The following EIF2S3B variants were observed in gnomAD, a reference collection of about 807,000 sequenced individuals.
The protein encoded by EIF2S3B is eukaryotic translation initiation factor 2 subunit 3B.
Under a neutral mutation model 26.4 loss-of-function variants are expected in EIF2S3B, and 16 were observed. The observed-to-expected ratio is 0.61, with a 90% CI of 0.41 to 0.92. The LOEUF is 0.92. Among genes scored for constraint, EIF2S3B ranks in the 40% least tolerant of loss-of-function variants. EIF2S3B has a pLI of 0.00. For missense variants in EIF2S3B, 510 were observed against 575.5 expected (o/e 0.89, Z 1.16); for synonymous variants, 183 against 204.4 (o/e 0.90, Z 0.89).
chr12:10,516,224 A>G (rs1260454707), intron 1 of EIF2S3B, among the ~76,000 whole-genome samples: 1 of 152,032 alleles, frequency 6.6e-6, no homozygotes, highest in Non-Finnish European at 1.5e-5. Context: ...TATAGTTTAC[A>G]AAGTTTCGTA....
chr12:10,521,020 T>C (rs1864826000), intron 1 of EIF2S3B, among the ~76,000 whole-genome samples: 1 of 152,216 alleles, frequency 6.6e-6, no homozygotes, highest in Non-Finnish European at 1.5e-5. Context: ...TTTTAGGTAA[T>C]TTAATTGCTT....
At position 10,506,986 on chromosome 12, in the gene EIF2S3B, G is replaced by A. The variant is rs774418997; in HGVS notation, c.1084G>A (p.Gly362Arg). The A allele has an allele frequency of 3.7e-6, 6 of 1,613,632 alleles. No homozygotes were observed. The highest frequency in any genetic ancestry group is 1.3e-5 in the African/African-American group (1 of 74,884). ...GGTGGGGCAAATACTTGGTGCAGTC[G>A]GAGCTTTACCTGAGATATTCACAGA... ...RMVGQILGAV[G>R]ALPEIFTELE... Residue 362 changes from glycine (G) to arginine (R), a missense_variant, in exon 1 of 1, where the codon GGA becomes AGA. Coordinates refer to ENST00000538173, the MANE Select transcript of EIF2S3B (RefSeq NM_001357734.3).
At chr12:10,520,279 A>G (rs1429974259) in intron 1 of EIF2S3B, among the ~76,000 whole-genome samples, 2 of 149,866 alleles carry the variant, frequency 1.3e-5, no homozygotes, top group Non-Finnish European at 3.0e-5. Context: ...CAAACACCGC[A>G]TGTTCTCACT....
At chr12:10,510,243 G>T (rs1395528590), downstream of EIF2S3B, among the ~76,000 whole-genome samples, 3 of 152,082 alleles carry the variant, frequency 2.0e-5, no homozygotes, top group African/African-American at 7.2e-5. Context: ...CCCTTCCTCT[G>T]CAGGTAAAAG....
At position 10,507,000 on chromosome 12, in the gene EIF2S3B, G is replaced by T. The variant is rs1290772526; in HGVS notation, c.1098G>T (p.Glu366Asp). 6.2e-7 allele frequency: 1 copy of T among 1,613,786 alleles called. No individual in the cohort carries two copies. The highest frequency in any genetic ancestry group is 1.3e-5 in the African/African-American group (1 of 75,032). ...QILGAVGALP[E>D]IFTELEISYF... ...TTGGTGCAGTCGGAGCTTTACCTGA[G>T]ATATTCACAGAATTGGAAATTTCCT... The change falls in exon 1 of 1, where the codon GAG becomes GAT. Residue 366 changes from glutamate (E) to aspartate (D), a missense_variant. By Grantham distance (45) the Glu-to-Asp change is conservative. Transcript: ENST00000538173.
intron 1 of EIF2S3B, among the ~76,000 whole-genome samples, chr12:10,516,446 A>T (rs947891630): frequency 3.3e-5 from 5 of 151,910 alleles, no homozygotes; most frequent in African/African-American, 1.2e-4. Flanking sequence ...ATTAGAGCAA[A>T]ATGAATATTT....
At chr12:10,515,182 C>G (rs572350830) in intron 1 of EIF2S3B, among the ~76,000 whole-genome samples, 18 of 151,944 alleles carry the variant, frequency 1.2e-4, no homozygotes, top group Non-Finnish European at 1.9e-4. Context: ...TGCTTGTCCT[C>G]TACTTCACAT....
chr12:10,513,752 C>T (rs529041795), intron 1 of EIF2S3B, among the ~76,000 whole-genome samples: 12 of 152,272 alleles, frequency 7.9e-5, no homozygotes, highest in South Asian at 2.1e-4. Context: ...CAGTGGCTCA[C>T]GCCTGTAATC....
Position 10,507,013 on chromosome 12 carries a change from T to A in EIF2S3B, c.1111T>A (p.Leu371Met). 6.2e-7 allele frequency: 1 copy of A among 1,613,776 alleles called. No homozygotes were observed. Among genetic ancestry groups the A allele is most frequent in the South Asian group, 1.1e-5 (1 of 91,068 alleles). Residue 371 changes from leucine to methionine, a missense_variant, in exon 1 of 1, where the codon TTG (leucine) becomes ATG (methionine). Coordinates refer to ENST00000538173, the MANE Select transcript of EIF2S3B (RefSeq NM_001357734.3). Reference protein sequence around the residue: ...VGALPEIFTELEISYFLLRRL... With the variant: ...VGALPEIFTEMEISYFLLRRL... Reference sequence around the variant, plus strand: ...AGCTTTACCTGAGATATTCACAGAATTGGAAATTTCCTATTTCCTGCTTAG... The same window carrying A: ...AGCTTTACCTGAGATATTCACAGAAATGGAAATTTCCTATTTCCTGCTTAG...
rs1864652389 is a variant in EIF2S3B, at chr12:10,507,532, G to A, written c.*211G>A. The A allele has an allele frequency of 1.6e-6, 1 of 613,110 alleles. No individual in the cohort carries two copies. Among genetic ancestry groups the A allele is most frequent in the East Asian group, 2.8e-5 (1 of 36,230 alleles). The allele number at this position is 613,110 out of a possible 1,614,324, so 38.0% of individuals were successfully genotyped here. A position where few individuals can be genotyped will look rare whatever the true frequency, so the allele number is the denominator to read the frequency against. On this transcript the variant is annotated 3_prime_UTR_variant, in exon 1 of 1. Transcript: ENST00000538173. The stretch of plus-strand genomic sequence containing the variant: ...ATAAAAATTGGCATAATGTTGGATT[G>A]AATCTACATTTTGGCAGAAGTTAAG...
intron 1 of EIF2S3B, among the ~76,000 whole-genome samples, chr12:10,518,677 C>G (rs1864793983): frequency 6.6e-6 from 1 of 152,016 alleles, no homozygotes; most frequent in African/African-American, 2.4e-5. Context: ...GATACAAAAT[C>G]AATGTACAAA....
intron 1 of EIF2S3B, among the ~76,000 whole-genome samples, chr12:10,521,447 C>T (rs759985510): frequency 5.3e-5 from 8 of 151,732 alleles, no homozygotes; most frequent in Non-Finnish European, 7.4e-5. Context: ...ATTTGATAGT[C>T]CCCAAGGTCA....
intron 1 of EIF2S3B, among the ~76,000 whole-genome samples, chr12:10,519,382 G>A (rs112309029): frequency 0.11 from 16,606 of 151,184 alleles, 1,135 homozygotes; most frequent in Non-Finnish European, 0.16. Context: ...AGACTTAAAC[G>A]TTAGACCTAA....
chr12:10,520,872 G>C (rs1864824252), intron 1 of EIF2S3B, among the ~76,000 whole-genome samples: 1 of 152,142 alleles, frequency 6.6e-6, no homozygotes, highest in African/African-American at 2.4e-5. Flanking sequence ...GTGAAATAAA[G>C]TAACCATTTG....
intron 1 of EIF2S3B, among the ~76,000 whole-genome samples, chr12:10,520,725 C>A (rs1864822785): frequency 6.6e-6 from 1 of 152,110 alleles, no homozygotes; most frequent in African/African-American, 2.4e-5. Context: ...TCTCTCCTCA[C>A]TCATATCTGA....
chr12:10,510,504 T>A (rs906388199), downstream of EIF2S3B, among the ~76,000 whole-genome samples: 1 of 152,208 alleles, frequency 6.6e-6, no homozygotes, highest in Non-Finnish European at 1.5e-5. Flanking sequence ...CTTTTCTCCA[T>A]AGCAGGACAA....
Position 10,506,244 on chromosome 12 carries a change from T to G in EIF2S3B, c.342T>G (p.Pro114=). The change falls in exon 1 of 1, where the codon CCT becomes CCG. Residue 114 remains proline, a synonymous_variant. Coordinates refer to ENST00000538173, the MANE Select transcript of EIF2S3B (RefSeq NM_001357734.3). ...SCGSSMPDEF[P]TDIPGTKGNF... Reference sequence around the variant, plus strand: ...GGAGCAGTATGCCTGATGAGTTTCCTACAGACATTCCAGGAACCAAAGGGA... The same window carrying G: ...GGAGCAGTATGCCTGATGAGTTTCCGACAGACATTCCAGGAACCAAAGGGA... The G allele has an allele frequency of 6.2e-7, 1 of 1,609,794 alleles. No individual in the cohort carries two copies. The highest frequency in any genetic ancestry group is 8.5e-7 in the Non-Finnish European group (1 of 1,176,034).
chr12:10,519,548 A>C (rs1431523463), intron 1 of EIF2S3B, among the ~76,000 whole-genome samples: 2 of 152,144 alleles, frequency 1.3e-5, no homozygotes, highest in Non-Finnish European at 2.9e-5. Context: ...ACAGCAAAAG[A>C]AACTACCATC....
At chr12:10,517,530 T>C (rs1864771653) in intron 1 of EIF2S3B, among the ~76,000 whole-genome samples, 1 of 152,208 alleles carries the variant, frequency 6.6e-6, no homozygotes, top group African/African-American at 2.4e-5. Context: ...GCTAGCAATC[T>C]ATCAATTTTG....
Sources: gnomAD v4.1 joint callset for allele counts (sites outside exome capture counted in the v4.1 genomes callset) on GRCh38, gnomAD v4.1.1 for gene constraint, MANE v1.5 for transcripts, NCBI Gene and HGNC (gene_info 2026-07-23, HGNC 2026-07-21) for gene names.